PCDH7: variants seen among roughly 807,000 people sequenced by gnomAD.
PCDH7 encodes protocadherin-7.
Under a neutral mutation model 58.9 loss-of-function variants are expected in PCDH7, and 17 were observed. That is an observed-to-expected ratio of 0.29 (90% confidence interval 0.20 to 0.43). The LOEUF (loss-of-function observed/expected upper bound fraction) is 0.43. PCDH7 is among the 20% of genes least tolerant of loss of function. The pLI is 1.00. For missense variants in PCDH7, 1,274 were observed against 1,441.0 expected (o/e 0.88, Z 1.88); for synonymous variants, 664 against 616.4 (o/e 1.08, Z -1.14).
chr4:30,921,402 T>G (rs1405950441), intron 2 of PCDH7, among the ~76,000 whole-genome samples: 1 of 152,182 alleles, frequency 6.6e-6, no homozygotes. Flanking sequence ...CTGATATATA[T>G]GCAAGTAGAG....
chr4:30,764,783 C>T (rs1205985451), intron 1 of PCDH7, among the ~76,000 whole-genome samples: 10 of 152,038 alleles, frequency 6.6e-5, no homozygotes, highest in Middle Eastern at 3.4e-3. Flanking sequence ...CACAGTGGCG[C>T]GATCTCAGCT....
downstream of PCDH7, among the ~76,000 whole-genome samples, chr4:30,733,963 A>C (rs553151959): frequency 1.2e-4 from 18 of 152,332 alleles, 1 homozygote; most frequent in African/African-American, 4.3e-4. Flanking sequence ...AGATCCAATT[A>C]TTCGACTGGA....
chr4:31,070,663 G>A (rs969732299), intron 3 of PCDH7, among the ~76,000 whole-genome samples: 2 of 151,994 alleles, frequency 1.3e-5, no homozygotes, highest in African/African-American at 4.8e-5. Flanking sequence ...AATTACTGTA[G>A]CCTATGGAAA....
intron 3 of PCDH7, among the ~76,000 whole-genome samples, chr4:31,089,160 T>C (rs1712882252): frequency 6.6e-6 from 1 of 152,032 alleles, no homozygotes; most frequent in Admixed American, 6.6e-5. Flanking sequence ...TGCAGGGACA[T>C]TGTGTTATTG....
chr4:30,728,121 C>T (rs1714895842), intron 1 of PCDH7, among the ~76,000 whole-genome samples: 2 of 151,468 alleles, frequency 1.3e-5, no homozygotes, highest in Admixed American at 1.3e-4. Context: ...GAATTATGTT[C>T]AATATATTCA....
At chr4:31,037,432 G>A (rs1314573483) in intron 3 of PCDH7, among the ~76,000 whole-genome samples, 2 of 152,138 alleles carry the variant, frequency 1.3e-5, no homozygotes, top group Non-Finnish European at 2.9e-5. Context: ...AGCTCTCCTG[G>A]AAGGGGATCT....
intron 3 of PCDH7, among the ~76,000 whole-genome samples, chr4:30,956,227 C>CA (rs201836402): frequency 0.024 from 2,862 of 117,184 alleles, 52 homozygotes; most frequent in African/African-American, 0.066. Flanking sequence ...GACTGCATCT[C>CA]AAAAAAAAAA....
chr4:30,880,903 A>G (rs1417328259), intron 1 of PCDH7, among the ~76,000 whole-genome samples: 3 of 152,094 alleles, frequency 2.0e-5, no homozygotes, highest in Non-Finnish European at 4.4e-5. Flanking sequence ...AGACTCAAAC[A>G]ATGACATCAA....
chr4:30,840,038 G>A (rs879857992), intron 1 of PCDH7, among the ~76,000 whole-genome samples: 14 of 151,588 alleles, frequency 9.2e-5, no homozygotes, highest in Non-Finnish European at 1.5e-4. Flanking sequence ...GAGTGTGTGT[G>A]TGTGTGTGTG....
chr4:31,004,476 T>A (rs1241134804), intron 3 of PCDH7, among the ~76,000 whole-genome samples: 1 of 152,020 alleles, frequency 6.6e-6, no homozygotes, highest in African/African-American at 2.4e-5. Flanking sequence ...TTGGGAGGCC[T>A]AAGCTGGCAG....
At chr4:30,979,567 T>C (rs1285405147) in intron 3 of PCDH7, among the ~76,000 whole-genome samples, 1 of 151,930 alleles carries the variant, frequency 6.6e-6, no homozygotes, top group African/African-American at 2.4e-5. Flanking sequence ...TTCTTCCATG[T>C]CATACCAGAA....
intron 1 of PCDH7, among the ~76,000 whole-genome samples, chr4:30,856,387 G>A (rs1354377574): frequency 6.6e-6 from 1 of 151,878 alleles, no homozygotes; most frequent in Non-Finnish European, 1.5e-5. Context: ...AATAGAATAT[G>A]TTCTCTTTCC....
Position 30,951,547 on chromosome 4 carries a change from G to A in PCDH7, c.*7+1332G>A, listed in dbSNP as rs374792167. ...CTTTCATGTCCACAGGTCTTCGCAC[G>A]GTTAGGTCCCTCCGTCTGGAAGGCA... On this transcript the variant is annotated intron_variant, in intron 3 of 3. Transcript: ENST00000509759. Among the ~76,000 whole-genome samples the A allele has an allele frequency of 6.6e-4, 101 of 152,168 alleles. 2 individuals carry two copies. The South Asian group carries it at 0.02, about 30-fold the overall frequency.
chr4:31,127,360 G>T (rs573809825), intron 3 of PCDH7, among the ~76,000 whole-genome samples: 48 of 152,236 alleles, frequency 3.2e-4, no homozygotes, highest in African/African-American at 1.1e-3. Context: ...TAAAGAAGAA[G>T]CCTAAATGTA....
chr4:31,098,852 T>C lies in PCDH7; in HGVS notation c.*8-43621T>C, dbSNP rs78931858. 2.5e-3 allele frequency among the ~76,000 whole-genome samples: 385 copies of C among 152,308 alleles called. 16 individuals carry two copies. The South Asian group carries it at 0.053, about 21-fold the overall frequency. On this transcript the variant is annotated intron_variant, in intron 3 of 3. Transcript: ENST00000509759. The stretch of plus-strand genomic sequence containing the variant: ...TCTGTTGTCTGGAAGTTCTGGAGGC[T>C]GAAAGTCAAAGACTAAGGTTGAGCA...
chr4:31,058,631 G>T (rs1757442194), intron 3 of PCDH7, among the ~76,000 whole-genome samples: 1 of 151,882 alleles, frequency 6.6e-6, no homozygotes, highest in Non-Finnish European at 1.5e-5. Context: ...ATTTAATTAA[G>T]GAGGTAAAAG....
chr4:31,103,083 C>G (rs1164566181), intron 3 of PCDH7, among the ~76,000 whole-genome samples: 1 of 152,086 alleles, frequency 6.6e-6, no homozygotes, highest in African/African-American at 2.4e-5. Context: ...TAACCATTTT[C>G]TGGTCAAATA....
Position 31,083,025 on chromosome 4 carries a change from G to A in PCDH7, c.*8-59448G>A, listed in dbSNP as rs574160528. The stretch of plus-strand genomic sequence containing the variant: ...CGGGAGGCTGAGGCAGGAGAATGGC[G>A]TGAACCTGGGAGGTGGAGCTTGCAA... On this transcript the variant is annotated intron_variant, in intron 3 of 3. Coordinates refer to the PCDH7 transcript ENST00000509759. Among the ~76,000 whole-genome samples the A allele has an allele frequency of 1.5e-4, 23 of 152,174 alleles. No individual in the cohort carries two copies. In the East Asian group the frequency reaches 1.6e-3, roughly 10 times the overall value.
intron 3 of PCDH7, among the ~76,000 whole-genome samples, chr4:31,031,455 G>A (rs1358415816): frequency 6.6e-6 from 1 of 152,212 alleles, no homozygotes; most frequent in African/African-American, 2.4e-5. Flanking sequence ...TGTCCTTTGG[G>A]AAATTCTGTG....
Sources: gnomAD v4.1 joint callset for allele counts (sites outside exome capture counted in the v4.1 genomes callset) on GRCh38, gnomAD v4.1.1 for gene constraint, MANE v1.5 for transcripts, NCBI Gene and HGNC (gene_info 2026-07-23, HGNC 2026-07-21) for gene names.